NHSL1: variants seen among roughly 807,000 people sequenced by gnomAD.
NHSL1 encodes the protein NHS-like protein 1.
NHSL1 carries 48 observed loss-of-function variants against 95.0 expected under a neutral mutation model. That is an observed-to-expected ratio of 0.51 (90% CI 0.40 to 0.64). The LOEUF (loss-of-function observed/expected upper bound fraction) is 0.64. NHSL1 is among the 30% of genes least tolerant of loss of function. The pLI is 0.00. For synonymous variants in NHSL1, 783 were observed against 833.9 expected, an observed-to-expected ratio of 0.94 and a Z score of 1.05; for missense variants, 1,971 against 2,077.7, an observed-to-expected ratio of 0.95 and a Z score of 1.00.
Position 138,430,837 on chromosome 6 carries a change from C to T in NHSL1, c.3508G>A (p.Gly1170Arg). The T allele has an allele frequency of 6.4e-7, 1 of 1,550,900 alleles. No individual in the cohort carries two copies. Among genetic ancestry groups the T allele is most frequent in the Non-Finnish European group, 8.7e-7 (1 of 1,146,796 alleles). Residue 1170 changes from glycine to arginine, a missense_variant, in exon 6 of 8, where the codon GGG (glycine) becomes AGG (arginine). By Grantham distance (125) the Gly-to-Arg change is moderately radical. Transcript: ENST00000343505. The surrounding 1 kb of genome is among the most constrained non-coding windows in gnomAD (Gnocchi z 4.7). ...GGGCTGGGCCGAGCCTCTGCCTCCCCAGCGCTTGGAGCTCCAGGGCTGCGG... is the reference window on the plus strand; with the variant it reads ...GGGCTGGGCCGAGCCTCTGCCTCCCTAGCGCTTGGAGCTCCAGGGCTGCGG... ...VSRSPGAPSAGEAEARPSPST... is the reference protein window; with the variant it reads ...VSRSPGAPSAREAEARPSPST...
At chr6:138,580,936 G>A (rs987496173) in intron 1 of NHSL1, among the ~76,000 whole-genome samples, 2 of 152,330 alleles carry the variant, frequency 1.3e-5, no homozygotes, top group South Asian at 2.1e-4. Flanking sequence ...GAAGCAGGGG[G>A]AGGTTTCAGC....
rs1165662058 is a variant in NHSL1, at chr6:138,431,180, A to C, written c.3165T>G (p.Ser1055=). 3.9e-6 allele frequency: 6 copies of C among 1,548,176 alleles called. No homozygotes were observed. Among genetic ancestry groups the C allele is most frequent in the Non-Finnish European group, 4.4e-6 (5 of 1,144,614 alleles). Residue 1055 remains serine (S), a synonymous_variant, in exon 6 of 8, where the codon TCT becomes TCG. Coordinates refer to ENST00000343505, the MANE Select transcript of NHSL1 (RefSeq NM_001144060.2). The surrounding 1 kb of genome is among the most constrained non-coding windows in gnomAD (Gnocchi z 4.0). ...ESSRGSLRPP[S]TKEETSRPPM... ...GGGGCCTGCTGGTCTCCTCCTTGGT[A>C]GAAGGCGGCCTCAAGGATCCCCGGG...
chr6:138,470,191 A>C (rs1011659957), intron 3 of NHSL1, among the ~76,000 whole-genome samples: 2 of 152,212 alleles, frequency 1.3e-5, no homozygotes, highest in African/African-American at 4.8e-5. Context: ...GGTTCTACTT[A>C]TTTAAGAAAA....
chr6:138,513,445 CCA>C (rs966459100), intron 1 of NHSL1, among the ~76,000 whole-genome samples: 1 of 152,098 alleles, frequency 6.6e-6, no homozygotes, highest in Non-Finnish European at 1.5e-5. Context: ...TCCCAGTTCA[CCA>C]CAGTCTCCAA....
At chr6:138,617,210 T>C (rs1237371180) in intron 1 of NHSL1, among the ~76,000 whole-genome samples, 3 of 152,136 alleles carry the variant, frequency 2.0e-5, no homozygotes, top group Admixed American at 1.3e-4. Flanking sequence ...GGGACTTTTA[T>C]ATCATAATGA....
At chr6:138,606,966 AGTGCTGGGATTACC>A (rs1784443532) in intron 1 of NHSL1, among the ~76,000 whole-genome samples, 1 of 152,024 alleles carries the variant, frequency 6.6e-6, no homozygotes, top group African/African-American at 2.4e-5. Context: ...GCCTCCTGAA[AGTGCTGGGATTACC>A]AGTGTGAGCC....
upstream of NHSL1, among the ~76,000 whole-genome samples, chr6:138,503,714 T>A (rs1562333668): frequency 1.3e-5 from 2 of 152,310 alleles, no homozygotes; most frequent in East Asian, 3.9e-4. Context: ...TTAAACATCC[T>A]GCTCAACCTT....
intron 1 of NHSL1, among the ~76,000 whole-genome samples, chr6:138,563,440 C>T (rs1188292622): frequency 6.6e-6 from 1 of 152,060 alleles, no homozygotes; most frequent in Non-Finnish European, 1.5e-5. Flanking sequence ...TACAAGCACT[C>T]CAAAGACACT....
chr6:138,564,060 T>G (rs1783514267), intron 1 of NHSL1, among the ~76,000 whole-genome samples: 1 of 150,390 alleles, frequency 6.6e-6, no homozygotes, highest in Non-Finnish European at 1.5e-5. Flanking sequence ...AAAACAGCCC[T>G]GATCAAATTT....
At chr6:138,650,831 G>A in intron 1 of NHSL1, 1 of 541,248 alleles carries the variant, frequency 1.8e-6, no homozygotes, top group South Asian at 1.4e-5. Context: ...CCTTCTTCAT[G>A]CTACCCAGGT....
chr6:138,446,950 G>T, intron 4 of NHSL1, 51 bp downstream of exon 4: 1 of 1,506,596 alleles, frequency 6.6e-7, no homozygotes, highest in Non-Finnish European at 9.0e-7. Context: ...ACAAAAAGCT[G>T]TAGTCATTCT....
intron 1 of NHSL1, among the ~76,000 whole-genome samples, chr6:138,633,407 C>T (rs1365533474): frequency 1.3e-5 from 2 of 152,038 alleles, no homozygotes; most frequent in African/African-American, 2.4e-5. Context: ...AATAAACTCC[C>T]AAAGGATAAA....
intron 1 of NHSL1, among the ~76,000 whole-genome samples, chr6:138,663,344 T>C (rs1304900853): frequency 1.3e-5 from 2 of 152,008 alleles, no homozygotes; most frequent in East Asian, 1.9e-4. Context: ...GCAGATCACC[T>C]TAGATCGGGA....
intron 1 of NHSL1, among the ~76,000 whole-genome samples, chr6:138,668,016 G>C (rs1785316320): frequency 6.6e-6 from 1 of 152,054 alleles, no homozygotes; most frequent in Non-Finnish European, 1.5e-5. Context: ...CTTTGTTTTT[G>C]ACTGTGTGGT....
intron 1 of NHSL1, 30 bp downstream of exon 1, chr6:138,499,203 T>C (rs970800138): frequency 6.5e-6 from 9 of 1,382,532 alleles, no homozygotes; most frequent in East Asian, 2.5e-5. Flanking sequence ...ATGCACACAA[T>C]AGGTAGTAGA....
rs1251505144 is a variant in NHSL1 at position 138,521,504 on chromosome 6, G to A, written c.16+24119C>T. Among the ~76,000 whole-genome samples the A allele has an allele frequency of 3.3e-5, 5 of 151,848 alleles. No individual in the cohort carries two copies. In the East Asian group the frequency reaches 9.7e-4, roughly 29 times the overall value. On this transcript the variant is annotated intron_variant, in intron 1 of 4. Coordinates refer to the NHSL1 transcript ENST00000342260. ...CAGCTACCCCCTGCCTCACCCCCCT[G>A]GAATATGCCTATGGTTTGACATAGC...
chr6:138,615,608 C>T (rs1784568411), intron 1 of NHSL1, among the ~76,000 whole-genome samples: 1 of 152,230 alleles, frequency 6.6e-6, no homozygotes, highest in Non-Finnish European at 1.5e-5. Context: ...GTAGCTAGGA[C>T]TACAGGCGCA....
intron 1 of NHSL1, among the ~76,000 whole-genome samples, chr6:138,579,913 C>T (rs1343362612): frequency 2.0e-5 from 3 of 152,154 alleles, no homozygotes; most frequent in African/African-American, 7.2e-5. Context: ...ATCAATTCAG[C>T]CTACTTTTAC....
chr6:138,520,000 G>A (rs569538899), intron 1 of NHSL1, among the ~76,000 whole-genome samples: 3 of 152,080 alleles, frequency 2.0e-5, no homozygotes, highest in African/African-American at 7.2e-5. Context: ...TGAAACAAGG[G>A]GAATACAGGG....
Sources: gnomAD v4.1 joint callset for allele counts (sites outside exome capture counted in the v4.1 genomes callset) on GRCh38, gnomAD v4.1.1 for gene constraint, Gnocchi (gnomAD v3.1) non-coding constraint, MANE v1.5 for transcripts, NCBI Gene and HGNC (gene_info 2026-07-23, HGNC 2026-07-21) for gene names.